CENPC: variants seen among roughly 807,000 people sequenced by gnomAD.
CENPC encodes the protein CENP-C 1.
A neutral mutation model predicts 112.1 loss-of-function variants in CENPC; 63 were observed. The observed-to-expected ratio is 0.56, with a 90% CI of 0.46 to 0.69. CENPC has a LOEUF of 0.69. Among genes scored for constraint, CENPC ranks in the 30% least tolerant of loss-of-function variants. The pLI, the probability that CENPC is intolerant of heterozygous loss-of-function variation, is 0.00. For synonymous variants in CENPC, 333 were observed against 367.6 expected (o/e 0.91, Z 1.08); for missense variants, 1,000 against 1,103.8 (o/e 0.91, Z 1.33).
chr4:67,543,150 C>T (rs549617457), intron 2 of CENPC, among the ~76,000 whole-genome samples: 1 of 152,204 alleles, frequency 6.6e-6, no homozygotes, highest in South Asian at 2.1e-4. Context: ...CTTATTCAAG[C>T]CTATAATAGA....
chr4:67,531,564 T>C (rs1212647645), intron 4 of CENPC, among the ~76,000 whole-genome samples: 1 of 152,228 alleles, frequency 6.6e-6, no homozygotes, highest in Non-Finnish European at 1.5e-5. Context: ...GGTGAACATC[T>C]GCTTTCTTTC....
chr4:67,503,959 G>C (rs1725663865), intron 12 of CENPC, among the ~76,000 whole-genome samples: 1 of 152,010 alleles, frequency 6.6e-6, no homozygotes, highest in African/African-American at 2.4e-5. Flanking sequence ...CAAAGAATAT[G>C]TATTCATCTT....
Position 67,496,224 on chromosome 4 carries a change from T to C in CENPC, c.2132-1012A>G, listed in dbSNP as rs558037107. Reference sequence around the variant, plus strand: ...GTTCTTCCAGCTGGGTCCAAACATGTAAGTGAGGAAGTTACCTCGAATGTC... The same window carrying C: ...GTTCTTCCAGCTGGGTCCAAACATGCAAGTGAGGAAGTTACCTCGAATGTC... On this transcript the variant is annotated intron_variant, in intron 12 of 18. Transcript: ENST00000273853. Among the ~76,000 whole-genome samples, 24 of 152,286 alleles carry C rather than the reference T, an allele frequency of 1.6e-4. 1 individual carries two copies. The South Asian group carries it at 5.0e-3, about 32-fold the overall frequency.
chr4:67,544,952 A>T (rs1378461006), intron 1 of CENPC, among the ~76,000 whole-genome samples: 1 of 152,038 alleles, frequency 6.6e-6, no homozygotes, highest in Non-Finnish European at 1.5e-5. Flanking sequence ...GAGAAAAGTT[A>T]TTTGGAGGCC....
intron 8 of CENPC, among the ~76,000 whole-genome samples, 186 bp from the exon 9 acceptor site, chr4:67,512,755 TA>T (rs1725932999): frequency 6.6e-6 from 1 of 151,888 alleles, no homozygotes; most frequent in Non-Finnish European, 1.5e-5. Context: ...AAGTAAGCAC[TA>T]ACTTCCTATT....
At chr4:67,531,016 A>G (rs796495158) in intron 4 of CENPC, 102 bp from the exon 5 acceptor site, 1 of 537,662 alleles carries the variant, frequency 1.9e-6, no homozygotes, top group Non-Finnish European at 3.2e-6. Flanking sequence ...GTATTCTAAA[A>G]CAACAAACCA....
chr4:67,514,500 G>A lies in CENPC; in HGVS notation c.1018C>T (p.Leu340Phe). ...RTISPAESTA[L>F]LQGRKSREKH... is the part of the protein sequence containing the mutation. ...TCTCTTGACTTTCTACCTTGAAGGA[G>A]TGCAGTGCTCTCAGCCGGGGATATT... Residue 340 changes from leucine (L) to phenylalanine (F), a missense_variant, in exon 8 of 19, where the codon CTC becomes TTC. Leu to Phe is a conservative substitution (Grantham distance 22). Transcript: ENST00000273853. 1 of 1,613,450 alleles carries A rather than the reference G, an allele frequency of 6.2e-7. No homozygotes were observed. The highest frequency in any genetic ancestry group is 8.5e-7 in the Non-Finnish European group (1 of 1,179,744).
At chr4:67,491,474 TATATATAGAGAGAG>T (rs1430617824) in intron 16 of CENPC, among the ~76,000 whole-genome samples, 80 of 32,738 alleles carry the variant, frequency 2.4e-3, no homozygotes, top group Non-Finnish European at 3.3e-3. Flanking sequence ...TATATATATA[TATATATAGAGAGAG>T]AGAGAGAGAG....
chr4:67,500,776 C>T (rs532280446), intron 12 of CENPC, among the ~76,000 whole-genome samples: 5 of 152,030 alleles, frequency 3.3e-5, no homozygotes, highest in African/African-American at 4.8e-5. Flanking sequence ...CTAATTAATG[C>T]GGAAGGAATT....
chr4:67,489,921 G>C (rs1284211510), intron 17 of CENPC, 46 bp downstream of exon 17: 3 of 1,401,982 alleles, frequency 2.1e-6, no homozygotes, highest in Non-Finnish European at 2.8e-6. Flanking sequence ...CAATAAATCA[G>C]AGTTCTACCA....
chr4:67,528,143 G>T (rs1726438280), intron 5 of CENPC, among the ~76,000 whole-genome samples: 1 of 151,886 alleles, frequency 6.6e-6, no homozygotes, highest in Admixed American at 6.6e-5. Context: ...AAAAACCTTG[G>T]TAAGTGCTGA....
chr4:67,505,829 G>A (rs1725716461), intron 11 of CENPC, among the ~76,000 whole-genome samples: 1 of 151,980 alleles, frequency 6.6e-6, no homozygotes, highest in African/African-American at 2.4e-5. Context: ...CATAAGTACT[G>A]AATTTATGAC....
intron 9 of CENPC, chr4:67,510,685 C>G (rs1725868936): frequency 4.1e-6 from 1 of 244,068 alleles, no homozygotes; most frequent in Non-Finnish European, 8.1e-6. Context: ...CATTCCTGCC[C>G]CATGGCAAGT....
intron 12 of CENPC, among the ~76,000 whole-genome samples, chr4:67,504,092 C>CAAAA (rs33925641): frequency 2.2e-4 from 25 of 114,046 alleles, no homozygotes; most frequent in East Asian, 1.8e-3. Flanking sequence ...GTGAATGGGG[C>CAAAA]AAAAAAAAAA....
chr4:67,512,106 C>T lies in CENPC; in HGVS notation c.1612+296G>A, dbSNP rs538074890. 2.5e-5 allele frequency: 6 copies of T among 238,078 alleles called. No homozygotes were observed. In the South Asian group the frequency reaches 2.9e-4, roughly 11 times the overall value. The allele number at this position is 238,078 out of a possible 1,614,324, so 14.7% of individuals were successfully genotyped here. ...ATCTTTGTATCCCTCACAGCCAGGA[C>T]ATTAAAATAGCTGGATTATTTATAT... On this transcript the variant is annotated intron_variant, in intron 9 of 18. Coordinates refer to ENST00000273853, the MANE Select transcript of CENPC (RefSeq NM_001812.4).
intron 16 of CENPC, among the ~76,000 whole-genome samples, chr4:67,491,480 T>TATATAG (rs1725270093): frequency 2.2e-4 from 4 of 18,104 alleles, no homozygotes; most frequent in African/African-American, 5.3e-4. Flanking sequence ...TATATATATA[T>TATATAG]AGAGAGAGAG....
intron 7 of CENPC, among the ~76,000 whole-genome samples, chr4:67,515,957 A>G (rs1726046741): frequency 6.6e-6 from 1 of 152,082 alleles, no homozygotes; most frequent in African/African-American, 2.4e-5. Flanking sequence ...TTTTACTAAA[A>G]GGCAGAAAGC....
intron 4 of CENPC, among the ~76,000 whole-genome samples, chr4:67,536,909 C>A (rs542551064): frequency 6.6e-6 from 1 of 151,234 alleles, no homozygotes; most frequent in Non-Finnish European, 1.5e-5. Context: ...GCATAGCAGG[C>A]ACAGTGGCAT....
chr4:67,503,115 C>T (rs995639062), intron 12 of CENPC, among the ~76,000 whole-genome samples: 6 of 152,230 alleles, frequency 3.9e-5, no homozygotes, highest in African/African-American at 1.4e-4. Context: ...GGCTTCCCAT[C>T]GCTCTTAGTA....
Sources: allele counts gnomAD v4.1 joint callset (sites outside exome capture counted in the v4.1 genomes callset), GRCh38; gene constraint gnomAD v4.1.1; transcripts MANE v1.5; gene names NCBI Gene and HGNC (gene_info 2026-07-23, HGNC 2026-07-21).